Variants in XRCC6 observed in about 807,000 individuals in gnomAD.
XRCC6 encodes X-ray repair cross complementing 6.
A neutral mutation model predicts 65.7 loss-of-function variants in XRCC6; 5 were observed. The observed-to-expected ratio is 0.08, with a 90% confidence interval of 0.04 to 0.16. The LOEUF is 0.16. Ranked by LOEUF, XRCC6 falls within the 10% of genes least tolerant of loss-of-function variation. The pLI is 1.00. For missense variants in XRCC6, 447 were observed against 738.1 expected (o/e 0.61, Z 4.57); for synonymous variants, 270 against 270.6 (o/e 1.00, Z 0.02).
At chr22:41,638,299 T>C (rs1013880419) in intron 6 of XRCC6, among the ~76,000 whole-genome samples, 4 of 152,164 alleles carry the variant, frequency 2.6e-5, no homozygotes, top group African/African-American at 9.7e-5. Flanking sequence ...TAGGCGATTT[T>C]GTCATTGTGC....
chr22:41,634,659 C>T (rs1047802618), intron 3 of XRCC6, among the ~76,000 whole-genome samples: 2 of 152,072 alleles, frequency 1.3e-5, no homozygotes, highest in African/African-American at 4.8e-5. Flanking sequence ...ATTCTCCTGC[C>T]TCAACCTCCT....
chr22:41,624,546 G>C (rs973022037), intron 2 of XRCC6, among the ~76,000 whole-genome samples: 1 of 151,018 alleles, frequency 6.6e-6, no homozygotes, highest in African/African-American at 2.4e-5. Context: ...AAATTAGCCA[G>C]GCGTGGTGGC....
At chr22:41,652,522 G>A (rs1254657471) in intron 8 of XRCC6, among the ~76,000 whole-genome samples, 2 of 151,920 alleles carry the variant, frequency 1.3e-5, no homozygotes, top group South Asian at 2.1e-4. Context: ...ACACCACCAC[G>A]TCCAGCTAAT....
chr22:41,628,833 G>C (rs901640731), intron 3 of XRCC6, among the ~76,000 whole-genome samples: 1 of 151,856 alleles, frequency 6.6e-6, no homozygotes, highest in African/African-American at 2.4e-5. Flanking sequence ...AGGCATGGTG[G>C]TGCGCTTCTG....
chr22:41,623,300 C>T (rs2147060176), intron 2 of XRCC6, among the ~76,000 whole-genome samples: 1 of 152,262 alleles, frequency 6.6e-6, no homozygotes, highest in African/African-American at 2.4e-5. Context: ...TGGTCTCAAA[C>T]TCTTGGCCTC....
rs983693172 is a variant in XRCC6 at position 41,635,257 on chromosome 22, T to C, written c.196-856T>C. ...TGGCTTCAATGTAGTACTTGGCACA[T>C]GGCAAATTCAGGTTTTGCTTTTTGA... On this transcript the variant is annotated intron_variant, in intron 3 of 12. Transcript: ENST00000360079. 8.5e-5 allele frequency among the ~76,000 whole-genome samples: 13 copies of C among 152,366 alleles called. 1 individual carries two copies. Among genetic ancestry groups the C allele is most frequent in the Admixed American group, 1.3e-4 (2 of 15,292 alleles).
chr22:41,636,155 C>A lies in XRCC6; in HGVS notation c.238C>A (p.Arg80=). Residue 80 remains arginine, a synonymous_variant, in exon 4 of 13, where the codon CGA becomes AGA. Transcript: ENST00000360079. The part of the protein sequence containing the change: ...VYISKIISSD[R]DLLAVVFYGT... ...CATCAGTAAGATCATAAGCAGTGAT[C>A]GAGATCTCTTGGCTGTGGTGTTCTA... 1 of 1,600,888 alleles carries A rather than the reference C, an allele frequency of 6.2e-7. No individual in the cohort carries two copies. Among genetic ancestry groups the A allele is most frequent in the Non-Finnish European group, 8.5e-7 (1 of 1,177,318 alleles).
At chr22:41,639,697 C>G (rs984937278) in intron 6 of XRCC6, among the ~76,000 whole-genome samples, 3 of 69,740 alleles carry the variant, frequency 4.3e-5, no homozygotes, top group East Asian at 5.8e-4. Flanking sequence ...GAGTCTTGCT[C>G]TTTTGGCCGG....
chr22:41,657,052 T>A lies in XRCC6; in HGVS notation c.1421+20T>A. On this transcript the variant is annotated intron_variant, in intron 10 of 12. Coordinates refer to ENST00000360079, the MANE Select transcript of XRCC6 (RefSeq NM_001469.5). Reference sequence around the variant, plus strand: ...ATACAGGTGAGTCAATCTCAGGCTTTCTGGAACTGCCTCCTGAGTTGAAAA... The same window carrying A: ...ATACAGGTGAGTCAATCTCAGGCTTACTGGAACTGCCTCCTGAGTTGAAAA... 1.9e-6 allele frequency: 3 copies of A among 1,546,310 alleles called. No homozygotes were observed. The highest frequency in any genetic ancestry group is 2.6e-6 in the Non-Finnish European group (3 of 1,153,016).
chr22:41,655,434 G>A (rs182403351), intron 9 of XRCC6, among the ~76,000 whole-genome samples: 8 of 151,984 alleles, frequency 5.3e-5, no homozygotes, highest in African/African-American at 1.4e-4. Flanking sequence ...GTGGCCAGGC[G>A]TGGTGGCTCA....
At chr22:41,631,819 G>A (rs112391651) in intron 3 of XRCC6, among the ~76,000 whole-genome samples, 12,946 of 151,990 alleles carry the variant, frequency 0.085, 1,787 homozygotes, top group African/African-American at 0.3. Context: ...TCACACCACT[G>A]TACTCCAGCC....
At chr22:41,634,357 A>AT (rs1181951868) in intron 3 of XRCC6, among the ~76,000 whole-genome samples, 1 of 151,480 alleles carries the variant, frequency 6.6e-6, no homozygotes. Context: ...TGCCCAGCTA[A>AT]TTTTTTTGTT....
At chr22:41,625,848 T>G (rs2067664032) in intron 2 of XRCC6, among the ~76,000 whole-genome samples, 1 of 152,148 alleles carries the variant, frequency 6.6e-6, no homozygotes, top group African/African-American at 2.4e-5. Context: ...ATTCAATAAT[T>G]TTATTTTTTT....
At position 41,636,188 on chromosome 22, in the gene XRCC6, G is replaced by A. The variant is rs373148769; in HGVS notation, c.271G>A (p.Glu91Lys). Residue 91 changes from glutamate (E) to lysine (K), a missense_variant, in exon 4 of 13, where the codon GAG becomes AAG. Physicochemically the swap from Glu to Lys is moderately conservative, Grantham distance 56 (BLOSUM62 1). This residue lies in a region of XRCC6 where 228 missense variants were observed against 307.4 expected (regional missense o/e 0.74). Transcript: ENST00000360079. ...DLLAVVFYGT[E>K]KDKNSVNFKN... ...CTTGGCTGTGGTGTTCTATGGTACC[G>A]AGAAAGACAAAAATTCAGTGAATTT... The A allele has an allele frequency of 5.6e-6, 9 of 1,608,432 alleles. No homozygotes were observed. The highest frequency in any genetic ancestry group is 5.1e-5 in the Admixed American group (3 of 58,380).
intron 7 of XRCC6, among the ~76,000 whole-genome samples, chr22:41,649,602 C>G (rs1341168816): frequency 1.3e-5 from 2 of 152,022 alleles, no homozygotes; most frequent in Non-Finnish European, 2.9e-5. Context: ...CGCCTGTAAT[C>G]CCAGCACTTT....
chr22:41,635,712 T>A lies in XRCC6; in HGVS notation c.196-401T>A, dbSNP rs538312214. The stretch of plus-strand genomic sequence containing the variant: ...CCATGCCCAGCTAATTTTTTTGTTT[T>A]TTTTTGTTTGGTAGAGATGGAGTCT... On this transcript the variant is annotated intron_variant, in intron 3 of 12. Coordinates refer to ENST00000360079, the MANE Select transcript of XRCC6 (RefSeq NM_001469.5). Among the ~76,000 whole-genome samples, 432 of 151,506 alleles carry A rather than the reference T, an allele frequency of 2.9e-3. 9 individuals carry two copies. Among genetic ancestry groups the A allele is most frequent in the Admixed American group, 0.026 (393 of 15,188 alleles).
intron 9 of XRCC6, among the ~76,000 whole-genome samples, chr22:41,654,753 C>T (rs553831559): frequency 4.3e-4 from 66 of 152,254 alleles, no homozygotes; most frequent in African/African-American, 1.5e-3. Flanking sequence ...CTTAGCCCTC[C>T]AGGGAGGAGG....
Position 41,637,798 on chromosome 22 carries a change from A to C in XRCC6, c.773+7A>C, listed in dbSNP as rs748805019. The C allele has an allele frequency of 6.2e-7, 1 of 1,613,038 alleles. No individual in the cohort carries two copies. The highest frequency in any genetic ancestry group is 1.7e-5 in the Admixed American group (1 of 59,876). On this transcript the variant is annotated splice_region_variant and intron_variant, in intron 6 of 12. Transcript: ENST00000360079. ...GGAAGCGAGCACTCAGCAGGTGTGC[A>C]CTCAGCCCGGGTCAGCTGCCTACAC...
intron 10 of XRCC6, among the ~76,000 whole-genome samples, chr22:41,657,724 T>G (rs1024094249): frequency 6.6e-6 from 1 of 151,934 alleles, no homozygotes; most frequent in Non-Finnish European, 1.5e-5. Flanking sequence ...TTCACCATGT[T>G]GCCCAGGCTG....
Sources: allele counts gnomAD v4.1 joint callset (sites outside exome capture counted in the v4.1 genomes callset), GRCh38; gene constraint gnomAD v4.1.1; regional missense constraint gnomAD v4.1.1; transcripts MANE v1.5; gene names NCBI Gene and HGNC (gene_info 2026-07-23, HGNC 2026-07-21).